Variants in PPP2R2C observed in about 807,000 individuals in gnomAD.
PPP2R2C encodes protein phosphatase 2 regulatory subunit Bgamma.
PPP2R2C carries 10 observed loss-of-function variants against 45.3 expected under a neutral mutation model. That is an observed-to-expected ratio of 0.22 (90% confidence interval 0.14 to 0.37). The LOEUF is 0.37. PPP2R2C is among the 10% of genes least tolerant of loss of function. The pLI, the probability that PPP2R2C is intolerant of heterozygous loss-of-function variation, is 1.00. For synonymous variants in PPP2R2C, 257 were observed against 245.4 expected, an observed-to-expected ratio of 1.05 and a Z score of -0.44; for missense variants, 308 against 619.7, an observed-to-expected ratio of 0.50 and a Z score of 5.34.
At chr4:6,382,842 A>G in intron 1 of PPP2R2C, 3 of 1,108,672 alleles carry the variant, frequency 2.7e-6, no homozygotes, top group Non-Finnish European at 3.4e-6. Context: ...ACAGACTGGC[A>G]GCAGAGAGGC....
At chr4:6,479,142 G>A (rs10013856) in intron 2 of PPP2R2C, among the ~76,000 whole-genome samples, 49,303 of 152,014 alleles carry the variant, frequency 0.32, 9,195 homozygotes, top group East Asian at 0.71. Context: ...AAGTTACTCA[G>A]CTCCTAAGTG....
At chr4:6,388,912 G>C (rs1716412255) in intron 1 of PPP2R2C, among the ~76,000 whole-genome samples, 1 of 152,168 alleles carries the variant, frequency 6.6e-6, no homozygotes, top group Non-Finnish European at 1.5e-5. Flanking sequence ...ACACAGAGCT[G>C]AGATGAGAGT....
intron 5 of PPP2R2C, among the ~76,000 whole-genome samples, chr4:6,355,518 T>C (rs374520607): frequency 2.7e-5 from 1 of 37,474 alleles, no homozygotes; most frequent in Admixed American, 2.9e-4. Flanking sequence ...TAAAGTATAA[T>C]AAAAAAAAGA....
At chr4:6,367,310 C>T (rs139527331) in intron 5 of PPP2R2C, among the ~76,000 whole-genome samples, 1 of 152,062 alleles carries the variant, frequency 6.6e-6, no homozygotes, top group Non-Finnish European at 1.5e-5. Context: ...TTAGGAGATG[C>T]GACATGGTGG....
chr4:6,334,508 G>A (rs778885856), intron 6 of PPP2R2C, among the ~76,000 whole-genome samples: 4 of 152,164 alleles, frequency 2.6e-5, no homozygotes, highest in African/African-American at 2.4e-5. Flanking sequence ...TTCCTGAGCT[G>A]CAGAAGTTCC....
rs1004757090 is a variant in PPP2R2C, at chr4:6,389,836, G to A, written c.71-8742C>T. Among the ~76,000 whole-genome samples the A allele has an allele frequency of 4.6e-5, 7 of 152,286 alleles. No individual in the cohort carries two copies. In the South Asian group the frequency reaches 8.3e-4, roughly 18 times the overall value. Reference sequence around the variant, plus strand: ...CAGAGAAGACAACTTGCCAACAGCCGCTCAGCTAGTAAGGGCAGGGGAGAG... The same window carrying A: ...CAGAGAAGACAACTTGCCAACAGCCACTCAGCTAGTAAGGGCAGGGGAGAG... On this transcript the variant is annotated intron_variant, in intron 1 of 8. Transcript: ENST00000382599.
At chr4:6,327,836 C>G (rs1278993341) in intron 8 of PPP2R2C, among the ~76,000 whole-genome samples, 1 of 152,184 alleles carries the variant, frequency 6.6e-6, no homozygotes, top group East Asian at 1.9e-4. Flanking sequence ...CTGAGAGACC[C>G]CTGCGGGCTG....
intron 1 of PPP2R2C, among the ~76,000 whole-genome samples, chr4:6,470,933 C>T (rs1378687401): frequency 2.0e-5 from 3 of 151,594 alleles, no homozygotes; most frequent in Admixed American, 2.0e-4. Flanking sequence ...CTCTGCCTCC[C>T]GGGCCAGGGC....
At chr4:6,382,172 T>C in intron 1 of PPP2R2C, 1 of 1,199,272 alleles carries the variant, frequency 8.3e-7, no homozygotes, top group East Asian at 5.6e-5. Flanking sequence ...CAGTATGTCT[T>C]GGAAGATGGA....
chr4:6,332,638 G>A lies in PPP2R2C; in HGVS notation c.960+924C>T, dbSNP rs182541667. Among the ~76,000 whole-genome samples the A allele has an allele frequency of 5.9e-5, 9 of 152,262 alleles. No homozygotes were observed. The highest frequency in any genetic ancestry group is 1.7e-4 in the African/African-American group (7 of 41,560). Reference sequence around the variant, plus strand: ...GAGCCTGGGCTCTGAATCTGTCACCGCCCAGCCGAGAGACACCTCCCTCAT... The same window carrying A: ...GAGCCTGGGCTCTGAATCTGTCACCACCCAGCCGAGAGACACCTCCCTCAT... On this transcript the variant is annotated intron_variant, in intron 7 of 8. Coordinates refer to ENST00000382599, the MANE Select transcript of PPP2R2C (RefSeq NM_020416.4). This position sits in a 1 kb window ranked among gnomAD's most constrained non-coding sequence, Gnocchi z 4.9.
intron 1 of PPP2R2C, among the ~76,000 whole-genome samples, chr4:6,415,122 T>C (rs1718485068): frequency 6.6e-6 from 1 of 152,246 alleles, no homozygotes; most frequent in African/African-American, 2.4e-5. Context: ...TCACAGTGCA[T>C]GCGCCTCGTC....
At chr4:6,356,180 C>A (rs762420921) in intron 5 of PPP2R2C, among the ~76,000 whole-genome samples, 2 of 152,086 alleles carry the variant, frequency 1.3e-5, no homozygotes, top group South Asian at 2.1e-4. Flanking sequence ...CTGCTTGTGT[C>A]ATTCACCTGA....
intron 1 of PPP2R2C, among the ~76,000 whole-genome samples, chr4:6,554,793 G>A (rs1490729954): frequency 6.7e-6 from 1 of 150,334 alleles, no homozygotes; most frequent in African/African-American, 2.5e-5. Context: ...CCAGGAAGCA[G>A]AGATTGCAGT....
intron 5 of PPP2R2C, among the ~76,000 whole-genome samples, chr4:6,359,218 C>G (rs961808964): frequency 1.3e-5 from 2 of 152,156 alleles, no homozygotes; most frequent in Admixed American, 6.5e-5. Flanking sequence ...AGCTGGAAAC[C>G]ATAATTCTGA....
At chr4:6,514,150 T>G (rs1723760720) in intron 2 of PPP2R2C, among the ~76,000 whole-genome samples, 1 of 152,186 alleles carries the variant, frequency 6.6e-6, no homozygotes, top group Non-Finnish European at 1.5e-5. Context: ...CTGGTATAAT[T>G]TAGCTATTCT....
At chr4:6,461,200 C>T (rs191468456) in intron 1 of PPP2R2C, among the ~76,000 whole-genome samples, 1 of 152,338 alleles carries the variant, frequency 6.6e-6, no homozygotes, top group Non-Finnish European at 1.5e-5. Context: ...TCTCACAGCA[C>T]CGTGCACGTG....
In PPP2R2C at chr4:6,341,871, C is replaced by T. The variant is rs1030898256; in HGVS notation, c.790+5975G>A. ...TCCAGAGATAACACAGGCCAGCTGA[C>T]GCCTTCATTTTAGCCCGAGTTCCAG... On this transcript the variant is annotated intron_variant, in intron 6 of 8. Transcript: ENST00000382599. Among the ~76,000 whole-genome samples, 6 of 152,150 alleles carry T rather than the reference C, an allele frequency of 3.9e-5. No individual in the cohort carries two copies. In the South Asian group the frequency reaches 8.3e-4, roughly 21 times the overall value.
chr4:6,469,177 T>C (rs548455463), intron 1 of PPP2R2C, among the ~76,000 whole-genome samples: 29 of 151,688 alleles, frequency 1.9e-4, no homozygotes, highest in African/African-American at 6.5e-4. Context: ...CCTAAGATGT[T>C]TGAGATTTTA....
chr4:6,338,286 T>G (rs1733152469), intron 6 of PPP2R2C, among the ~76,000 whole-genome samples: 1 of 152,212 alleles, frequency 6.6e-6, no homozygotes, highest in South Asian at 2.1e-4. Context: ...CCTGTTTCTT[T>G]TTAATGATTT....
Sources: gnomAD v4.1 joint callset for allele counts (sites outside exome capture counted in the v4.1 genomes callset) on GRCh38, gnomAD v4.1.1 for gene constraint, Gnocchi (gnomAD v3.1) non-coding constraint, MANE v1.5 for transcripts, NCBI Gene and HGNC (gene_info 2026-07-23, HGNC 2026-07-21) for gene names.